Variants in KLHL4 observed in about 807,000 individuals in gnomAD.
KLHL4 encodes the protein kelch-like protein 4.
Under a neutral mutation model 45.8 loss-of-function variants are expected in KLHL4, and 17 were observed. That is an observed-to-expected ratio of 0.37 (90% CI 0.25 to 0.56). KLHL4 has a LOEUF of 0.56. KLHL4 is among the 20% of genes least tolerant of loss of function. The pLI is 0.79. For synonymous variants in KLHL4, 224 were observed against 189.9 expected, an observed-to-expected ratio of 1.18 and a Z score of -1.47; for missense variants, 544 against 544.9, an observed-to-expected ratio of 1.00 and a Z score of 0.02.
At chrX:87,543,488 G>C (rs780541148) in intron 1 of KLHL4, among the ~76,000 whole-genome samples, 1 of 111,656 alleles carries the variant, frequency 9.0e-6, no homozygotes, top group Non-Finnish European at 1.9e-5. Context: ...GTGAATCTCA[G>C]ATGCCACCCC....
chrX:87,602,520 C>T (rs1922051415), intron 1 of KLHL4, among the ~76,000 whole-genome samples: 1 of 111,572 alleles, frequency 9.0e-6, no homozygotes, highest in Non-Finnish European at 1.9e-5. Context: ...TGTTGTGTTA[C>T]CATTGTCTAC....
rs148856340 is a variant in KLHL4, at chrX:87,660,104, C to T, written c.1926-4660C>T. On this transcript the variant is annotated intron_variant, in intron 9 of 10. Transcript: ENST00000373119. Reference sequence around the variant, plus strand: ...ACTGTGTTTAAACAACACTGCAGGACATTTTTTTAAAAAGGACAGATTCCA... The same window carrying T: ...ACTGTGTTTAAACAACACTGCAGGATATTTTTTTAAAAAGGACAGATTCCA... Among the ~76,000 whole-genome samples, 68 of 111,268 alleles carry T rather than the reference C, an allele frequency of 6.1e-4. 1 individual carries two copies. The East Asian group carries it at 0.019, about 31-fold the overall frequency.
chrX:87,597,129 C>T (rs996625178), intron 1 of KLHL4, among the ~76,000 whole-genome samples: 3 of 111,701 alleles, frequency 2.7e-5, no homozygotes, highest in Non-Finnish European at 3.8e-5. Flanking sequence ...AATCATTCTG[C>T]ACAGCCTGTT....
At chrX:87,551,635 C>A (rs1931826434) in intron 1 of KLHL4, among the ~76,000 whole-genome samples, 1 of 82,466 alleles carries the variant, frequency 1.2e-5, no homozygotes, top group South Asian at 5.3e-4. Context: ...TGTCATCACA[C>A]TACCTGATTT....
At position 87,555,451 on chromosome X, in the gene KLHL4, G is replaced by T. The variant is rs1263576356; in HGVS notation, c.422+37136G>T. ...TTCTTCCTGTTTTAGTCTTGGGAAG[G>T]TGTTCGTGTCGAGGAATTTATCCAT... On this transcript the variant is annotated intron_variant, in intron 1 of 10. Transcript: ENST00000373119. 2.7e-5 allele frequency among the ~76,000 whole-genome samples: 3 copies of T among 111,411 alleles called. No individual in the cohort carries two copies. In the Admixed American group the frequency reaches 2.9e-4, roughly 11 times the overall value.
chrX:87,643,001 C>T (rs1923515078), intron 9 of KLHL4, among the ~76,000 whole-genome samples: 1 of 111,548 alleles, frequency 9.0e-6, no homozygotes, highest in Non-Finnish European at 1.9e-5. Context: ...GAAAGCTTCC[C>T]TGGTCTTGCT....
chrX:87,638,148 A>G lies in KLHL4; in HGVS notation c.1925+2373A>G, dbSNP rs537047713. Among the ~76,000 whole-genome samples, 25 of 102,211 alleles carry G rather than the reference A, an allele frequency of 2.4e-4. No individual in the cohort carries two copies. In the South Asian group the frequency reaches 8.7e-3, roughly 36 times the overall value. 88.8% of individuals were successfully genotyped at this position (102,211 alleles called of 115,157 possible). ...TAACCCAATCCGACAAAGATAAAGA[A>G]AAAAATTATTTTAAAAAAATGAACA... is the stretch of plus-strand genomic sequence containing the variant. On this transcript the variant is annotated intron_variant, in intron 9 of 10. Transcript: ENST00000373119.
intron 9 of KLHL4, 42 bp downstream of exon 9, chrX:87,635,817 A>T (rs1923247491): frequency 1.4e-5 from 14 of 992,603 alleles, no homozygotes; most frequent in Non-Finnish European, 1.8e-5. Flanking sequence ...TTATTTGGTT[A>T]TTTAATTTTT....
intron 9 of KLHL4, among the ~76,000 whole-genome samples, chrX:87,656,991 G>A (rs1924012210): frequency 8.9e-6 from 1 of 111,883 alleles, no homozygotes; most frequent in Non-Finnish European, 1.9e-5. Flanking sequence ...TAGCCTTAGT[G>A]TGGTGATTTT....
Position 87,612,209 on chromosome X carries a change from C to T in KLHL4, c.423-1668C>T, listed in dbSNP as rs755668801. Among the ~76,000 whole-genome samples the T allele has an allele frequency of 5.4e-5, 6 of 111,849 alleles. No individual in the cohort carries two copies. The South Asian group carries it at 2.2e-3, about 41-fold the overall frequency. On this transcript the variant is annotated intron_variant, in intron 1 of 10. Coordinates refer to ENST00000373119, the MANE Select transcript of KLHL4 (RefSeq NM_019117.5). ...GAAATGTGCTAGGCTTTCACATTAA[C>T]TCACCATTCACTTACTTACCCCCAG... is the stretch of plus-strand genomic sequence containing the variant.
At chrX:87,609,918 G>T (rs1922318786) in intron 1 of KLHL4, among the ~76,000 whole-genome samples, 1 of 111,560 alleles carries the variant, frequency 9.0e-6, no homozygotes, top group Admixed American at 9.6e-5. Flanking sequence ...ACAACATCAT[G>T]TCATTCATGA....
At chrX:87,568,383 CTT>C (rs756469573) in intron 1 of KLHL4, among the ~76,000 whole-genome samples, 149 of 59,205 alleles carry the variant, frequency 2.5e-3, no homozygotes, top group African/African-American at 9.1e-3. Flanking sequence ...TTTTTCTTTT[CTT>C]TTTTTCTTTT....
intron 3 of KLHL4, among the ~76,000 whole-genome samples, chrX:87,615,481 G>A (rs1355451252): frequency 9.0e-6 from 1 of 110,993 alleles, no homozygotes; most frequent in East Asian, 2.8e-4. Context: ...TCCATTCATA[G>A]TTATATACCC....
chrX:87,566,463 T>A (rs1932214341), intron 1 of KLHL4, among the ~76,000 whole-genome samples: 1 of 111,987 alleles, frequency 8.9e-6, no homozygotes, highest in Admixed American at 9.5e-5. Context: ...CCACCTTAAA[T>A]GTGCTCAGAA....
At chrX:87,530,155 T>C (rs962945333) in intron 1 of KLHL4, among the ~76,000 whole-genome samples, 1 of 111,359 alleles carries the variant, frequency 9.0e-6, no homozygotes, top group Admixed American at 9.6e-5. Flanking sequence ...TTTTGTCTTT[T>C]GTTGCCATTG....
chrX:87,538,808 A>G (rs1484071281), intron 1 of KLHL4, among the ~76,000 whole-genome samples: 2 of 111,484 alleles, frequency 1.8e-5, no homozygotes, highest in Non-Finnish European at 3.8e-5. Context: ...TATTGTTAGA[A>G]AACTTGGAAA....
At chrX:87,594,047 A>G (rs1921760991) in intron 1 of KLHL4, among the ~76,000 whole-genome samples, 1 of 111,325 alleles carries the variant, frequency 9.0e-6, no homozygotes, top group East Asian at 2.8e-4. Flanking sequence ...TCTGACACCA[A>G]AAGAATAGTA....
At chrX:87,665,619 A>T (rs1480619705) in intron 10 of KLHL4, among the ~76,000 whole-genome samples, 2 of 111,946 alleles carry the variant, frequency 1.8e-5, no homozygotes, top group Non-Finnish European at 3.8e-5. Flanking sequence ...ATTTATTCTA[A>T]AATATTTAAT....
chrX:87,541,932 G>T (rs1268530645), intron 1 of KLHL4, among the ~76,000 whole-genome samples: 1 of 111,835 alleles, frequency 8.9e-6, no homozygotes, highest in African/African-American at 3.2e-5. Flanking sequence ...CCAGGCTGAG[G>T]TAGTCCCAGA....
Sources: gnomAD v4.1 joint callset for allele counts (sites outside exome capture counted in the v4.1 genomes callset) on GRCh38, gnomAD v4.1.1 for gene constraint, MANE v1.5 for transcripts, NCBI Gene and HGNC (gene_info 2026-07-23, HGNC 2026-07-21) for gene names.